The following ZFHX3 variants were observed in gnomAD, a reference collection of about 807,000 sequenced individuals.
The protein encoded by ZFHX3 is zinc finger homeobox 3, also known as zinc finger homeobox protein 3.
A neutral mutation model predicts 279.1 loss-of-function variants in ZFHX3; 42 were observed. The observed-to-expected ratio is 0.15, with a 90% CI of 0.12 to 0.19. ZFHX3 has a LOEUF of 0.19. ZFHX3 is among the 10% of genes least tolerant of loss of function. The probability of loss-of-function intolerance (pLI) is 1.00; values close to 1 mark genes in which losing one functional copy is unlikely to be tolerated. For missense variants in ZFHX3, 4,981 were observed against 4,754.0 expected, an observed-to-expected ratio of 1.05 and a Z score of -1.40; for synonymous variants, 2,293 against 1,957.8, an observed-to-expected ratio of 1.17 and a Z score of -4.52.
At chr16:73,541,786 CTT>C (rs546761843) in intron 2 of ZFHX3, among the ~76,000 whole-genome samples, 284 of 88,062 alleles carry the variant, frequency 3.2e-3, no homozygotes, top group African/African-American at 9.9e-3. Flanking sequence ...TGGTGGTTCT[CTT>C]TTTTTTTTTT....
At chr16:73,078,765 G>A (rs1290034650) in intron 8 of ZFHX3, among the ~76,000 whole-genome samples, 5 of 151,650 alleles carry the variant, frequency 3.3e-5, no homozygotes, top group East Asian at 2.0e-4. Context: ...CTGCCTTAGC[G>A]TCCCGAGTAG....
At position 73,514,258 on chromosome 16, in the gene ZFHX3, T is replaced by A. The variant is rs530649002; in HGVS notation, c.-1546-58000A>T. Among the ~76,000 whole-genome samples, 1,512 of 151,620 alleles carry A rather than the reference T, an allele frequency of 1.0e-2. 30 individuals are homozygous for A. The highest frequency in any genetic ancestry group is 0.035 in the African/African-American group (1,436 of 41,286). On this transcript the variant is annotated intron_variant, in intron 2 of 17. Transcript: ENST00000641206. ...GCAAGACTCCGTCTCAAAAAAAAAA[T>A]AAAAAATAAAAGTGATATTGGAGCT... is the stretch of plus-strand genomic sequence containing the variant.
At chr16:73,846,729 A>T (rs1207114298) in intron 1 of ZFHX3, among the ~76,000 whole-genome samples, 1 of 152,162 alleles carries the variant, frequency 6.6e-6, no homozygotes, top group Admixed American at 6.5e-5. Flanking sequence ...TCATTCTCAG[A>T]GGCAAATCTT....
At chr16:72,965,912 G>A (rs1393117483) in intron 1 of ZFHX3, among the ~76,000 whole-genome samples, 1 of 152,124 alleles carries the variant, frequency 6.6e-6, no homozygotes, top group African/African-American at 2.4e-5. Flanking sequence ...AAAATAAACC[G>A]AAAAATACCC....
chr16:73,425,907 C>T (rs189608991), intron 3 of ZFHX3, among the ~76,000 whole-genome samples: 48 of 150,862 alleles, frequency 3.2e-4, no homozygotes, highest in African/African-American at 1.1e-3. Flanking sequence ...ATGAGAAACC[C>T]GTGAAAGAAA....
rs76116033 is a variant in ZFHX3 at position 73,632,167 on chromosome 16, T to A, written c.-1547+48013A>T. ...ATAATGGTCATTTCCTTATTTAATA[T>A]ACATGTGTTGAGCAATTTATGTCTT... On this transcript the variant is annotated intron_variant, in intron 2 of 17. Coordinates refer to the ZFHX3 transcript ENST00000641206. Among the ~76,000 whole-genome samples, 494 of 152,278 alleles carry A rather than the reference T, an allele frequency of 3.2e-3. 4 individuals are homozygous for A. The highest frequency in any genetic ancestry group is 0.011 in the African/African-American group (460 of 41,550).
intron 4 of ZFHX3, among the ~76,000 whole-genome samples, chr16:73,303,965 A>AAAAG (rs1330517773): frequency 5.8e-5 from 6 of 103,284 alleles, no homozygotes; most frequent in African/African-American, 1.3e-4. Context: ...CCTAGGTGGA[A>AAAAG]AAAAAAAAAA....
At position 72,786,897 on chromosome 16, in the gene ZFHX3, A is replaced by T; in HGVS notation, c.*267T>A. ...GCGGACTTCTGTTTCCCAGACCAAT[A>T]GTACCTTCAAAAGGACACAATGTAA... On this transcript the variant is annotated 3_prime_UTR_variant, in exon 10 of 10. Transcript: ENST00000268489. The T allele has an allele frequency of 4.7e-6, 1 of 212,890 alleles. No individual in the cohort carries two copies. The highest frequency in any genetic ancestry group is 8.9e-6 in the Non-Finnish European group (1 of 112,218). 13.2% of individuals were successfully genotyped at this position (212,890 alleles called of 1,614,324 possible).
At chr16:73,475,031 T>G (rs575088315) in intron 2 of ZFHX3, among the ~76,000 whole-genome samples, 2 of 152,276 alleles carry the variant, frequency 1.3e-5, no homozygotes, top group African/African-American at 4.8e-5. Flanking sequence ...TCTCTTGGGA[T>G]TCCTCATCCT....
chr16:73,197,930 T>G (rs1014873780), intron 5 of ZFHX3, among the ~76,000 whole-genome samples: 2 of 121,802 alleles, frequency 1.6e-5, no homozygotes, highest in African/African-American at 3.3e-5. Context: ...GGTGGTTTTT[T>G]TTTTTTTTTT....
At chr16:73,117,312 G>T (rs1966444263) in intron 7 of ZFHX3, among the ~76,000 whole-genome samples, 1 of 152,008 alleles carries the variant, frequency 6.6e-6, no homozygotes, top group African/African-American at 2.4e-5. Flanking sequence ...TAAAACTTAT[G>T]ATTTAGTTAT....
chr16:72,972,364 T>C (rs1056104514), intron 1 of ZFHX3, among the ~76,000 whole-genome samples: 6 of 152,244 alleles, frequency 3.9e-5, no homozygotes, highest in Admixed American at 3.9e-4. Flanking sequence ...GTTCAGAAGA[T>C]GTTCTCTGTC....
intron 5 of ZFHX3, among the ~76,000 whole-genome samples, chr16:73,234,654 G>A (rs1286664085): frequency 6.6e-6 from 1 of 152,212 alleles, no homozygotes; most frequent in Non-Finnish European, 1.5e-5. Context: ...TCTTCTGTGT[G>A]GCACAGATCG....
At chr16:72,990,801 C>T (rs768549859) in intron 1 of ZFHX3, among the ~76,000 whole-genome samples, 9 of 152,068 alleles carry the variant, frequency 5.9e-5, no homozygotes, top group Admixed American at 2.0e-4. Context: ...AGCAACATGG[C>T]GAAACCCTGC....
chr16:73,516,139 T>C (rs1055976803), intron 2 of ZFHX3, among the ~76,000 whole-genome samples: 1 of 152,190 alleles, frequency 6.6e-6, no homozygotes, highest in African/African-American at 2.4e-5. Context: ...CAAATGCATT[T>C]TGAAAAGCTA....
chr16:73,000,231 C>T (rs1450707050), intron 1 of ZFHX3, among the ~76,000 whole-genome samples: 1 of 152,102 alleles, frequency 6.6e-6, no homozygotes, highest in African/African-American at 2.4e-5. Context: ...GTCCCCAGGG[C>T]ACTGGAGAGA....
chr16:73,138,156 C>T (rs1398346218), intron 6 of ZFHX3, among the ~76,000 whole-genome samples: 2 of 152,124 alleles, frequency 1.3e-5, no homozygotes, highest in Non-Finnish European at 2.9e-5. Flanking sequence ...TCTTCCTCTC[C>T]CAACTGTTCT....
At chr16:72,864,117 C>T (rs1454234728) in intron 4 of ZFHX3, among the ~76,000 whole-genome samples, 1 of 151,104 alleles carries the variant, frequency 6.6e-6, no homozygotes, top group Admixed American at 6.6e-5. Context: ...GACTCCATCT[C>T]GAAAAAAAAA....
chr16:73,428,971 C>T (rs1163433374), intron 3 of ZFHX3, among the ~76,000 whole-genome samples: 1 of 152,200 alleles, frequency 6.6e-6, no homozygotes, highest in East Asian at 1.9e-4. Context: ...CTTCACGAGG[C>T]CACCAAAGTC....
Sources: allele counts gnomAD v4.1 joint callset (sites outside exome capture counted in the v4.1 genomes callset), GRCh38; gene constraint gnomAD v4.1.1; transcripts MANE v1.5; gene names NCBI Gene and HGNC (gene_info 2026-07-23, HGNC 2026-07-21).